The following CERT1 variants were observed in gnomAD, a reference collection of about 807,000 sequenced individuals.
CERT1 encodes ceramide transfer protein.
CERT1 carries 31 observed loss-of-function variants against 87.9 expected under a neutral mutation model. The observed-to-expected ratio is 0.35, with a 90% CI of 0.27 to 0.48. CERT1 has a LOEUF of 0.48. Among genes scored for constraint, CERT1 ranks in the 20% least tolerant of loss-of-function variants. The probability of loss-of-function intolerance (pLI) is 0.99; values close to 1 mark genes in which losing one functional copy is unlikely to be tolerated. For missense variants in CERT1, 487 were observed against 758.0 expected, an observed-to-expected ratio of 0.64 and a Z score of 4.20; for synonymous variants, 289 against 250.9, an observed-to-expected ratio of 1.15 and a Z score of -1.44.
chr5:75,454,121 C>A (rs575460937), intron 3 of CERT1, among the ~76,000 whole-genome samples: 1 of 152,074 alleles, frequency 6.6e-6, no homozygotes, highest in Non-Finnish European at 1.5e-5. Flanking sequence ...CCAGGCTAAC[C>A]GCAAAGTATA....
chr5:75,488,749 G>C (rs1300114741), intron 2 of CERT1, among the ~76,000 whole-genome samples: 2 of 151,960 alleles, frequency 1.3e-5, no homozygotes, highest in African/African-American at 4.8e-5. Flanking sequence ...CCTTTTCCTT[G>C]AAGAATTTTA....
At chr5:75,483,141 TAAAC>T in intron 2 of CERT1, among the ~76,000 whole-genome samples, 1 of 152,238 alleles carries the variant, frequency 6.6e-6, no homozygotes, top group Admixed American at 6.5e-5. Context: ...AAGCTGAAGA[TAAAC>T]AGAGAAGAAA....
intron 2 of CERT1, among the ~76,000 whole-genome samples, chr5:75,465,881 C>G (rs1765435014): frequency 6.6e-6 from 1 of 152,202 alleles, no homozygotes; most frequent in South Asian, 2.1e-4. Flanking sequence ...GCGCAACATT[C>G]TGATAGTTTA....
chr5:75,457,737 A>G (rs1765047311), intron 3 of CERT1, among the ~76,000 whole-genome samples: 1 of 151,866 alleles, frequency 6.6e-6, no homozygotes, highest in African/African-American at 2.4e-5. Flanking sequence ...CTCAGGTGAG[A>G]CTGGTTTTTC....
At chr5:75,468,501 G>GA (rs951846261) in intron 2 of CERT1, among the ~76,000 whole-genome samples, 2 of 152,074 alleles carry the variant, frequency 1.3e-5, no homozygotes, top group African/African-American at 4.8e-5. Flanking sequence ...TCTGTGAACT[G>GA]AATCTCCTCA....
chr5:75,413,072 AT>A (rs869058788), intron 7 of CERT1, among the ~76,000 whole-genome samples: 1 of 152,124 alleles, frequency 6.6e-6, no homozygotes, highest in Non-Finnish European at 1.5e-5. Context: ...ACATTTTTCT[AT>A]TTTTTAAAAA....
At chr5:75,453,542 A>G (rs567064695) in intron 3 of CERT1, among the ~76,000 whole-genome samples, 1 of 152,310 alleles carries the variant, frequency 6.6e-6, no homozygotes, top group African/African-American at 2.4e-5. Context: ...CTTGGGTCAG[A>G]AAGACCTAGG....
chr5:75,509,732 G>A (rs1482898912), intron 1 of CERT1, among the ~76,000 whole-genome samples: 3 of 152,010 alleles, frequency 2.0e-5, no homozygotes, highest in Admixed American at 2.0e-4. Context: ...CCCATCTTAT[G>A]AGCAGTGATG....
intron 5 of CERT1, among the ~76,000 whole-genome samples, chr5:75,420,561 C>T (rs111362511): frequency 3.9e-4 from 59 of 152,074 alleles, no homozygotes; most frequent in African/African-American, 8.9e-4. Flanking sequence ...GCCAGGAATC[C>T]GGTCTCAATC....
At chr5:75,511,691 C>T, upstream of CERT1, 1 of 1,537,918 alleles carries the variant, frequency 6.5e-7, no homozygotes, top group Non-Finnish European at 8.8e-7. Context: ...CACTACTCCC[C>T]GCCCCGTCCC....
At chr5:75,463,807 G>A (rs1005270381) in intron 2 of CERT1, among the ~76,000 whole-genome samples, 5 of 152,208 alleles carry the variant, frequency 3.3e-5, no homozygotes, top group Non-Finnish European at 1.5e-5. Flanking sequence ...GGTCTATAGA[G>A]GAGGGAAGAA....
At chr5:75,406,597 G>A (rs1466447292) in intron 8 of CERT1, among the ~76,000 whole-genome samples, 1 of 150,282 alleles carries the variant, frequency 6.7e-6, no homozygotes, top group Admixed American at 6.7e-5. Flanking sequence ...CTGGAGTGCA[G>A]TAGCGAGGTC....
intron 7 of CERT1, among the ~76,000 whole-genome samples, chr5:75,413,746 C>T (rs1415391704): frequency 1.3e-5 from 2 of 152,022 alleles, no homozygotes; most frequent in African/African-American, 4.8e-5. Flanking sequence ...AACACCCACA[C>T]ACCCACACAT....
intron 2 of CERT1, among the ~76,000 whole-genome samples, chr5:75,477,647 T>TAAAAAAAA (rs540588442): frequency 2.2e-5 from 2 of 89,500 alleles, no homozygotes; most frequent in Admixed American, 1.3e-4. Flanking sequence ...TAATAAGTTG[T>TAAAAAAAA]AAAAAAAAAA....
intron 3 of CERT1, among the ~76,000 whole-genome samples, chr5:75,443,221 A>G (rs1267030899): frequency 3.2e-4 from 48 of 152,010 alleles, no homozygotes; most frequent in Admixed American, 3.0e-3. Context: ...TGTTGATTTC[A>G]GCTCACATCT....
chr5:75,444,429 T>G (rs948672152), intron 3 of CERT1, among the ~76,000 whole-genome samples: 4 of 152,192 alleles, frequency 2.6e-5, no homozygotes, highest in African/African-American at 9.6e-5. Context: ...AAGTAATTAC[T>G]GATAAGGAAG....
intron 2 of CERT1, among the ~76,000 whole-genome samples, chr5:75,475,354 G>A (rs1366514008): frequency 1.3e-5 from 2 of 152,156 alleles, no homozygotes; most frequent in Non-Finnish European, 2.9e-5. Context: ...TTAGTGACCA[G>A]TAGCACCAAA....
intron 2 of CERT1, among the ~76,000 whole-genome samples, chr5:75,475,410 T>G (rs1765912867): frequency 6.6e-6 from 1 of 152,170 alleles, no homozygotes; most frequent in Non-Finnish European, 1.5e-5. Flanking sequence ...GATAGAACCC[T>G]GTCTGCTGCT....
intron 2 of CERT1, among the ~76,000 whole-genome samples, chr5:75,467,827 T>C (rs1284085592): frequency 6.6e-6 from 1 of 152,140 alleles, no homozygotes; most frequent in Non-Finnish European, 1.5e-5. Context: ...TGTACCAATG[T>C]TAATTTCCTG....
Sources: gnomAD v4.1 joint callset for allele counts (sites outside exome capture counted in the v4.1 genomes callset) on GRCh38, gnomAD v4.1.1 for gene constraint, MANE v1.5 for transcripts, NCBI Gene and HGNC (gene_info 2026-07-23, HGNC 2026-07-21) for gene names.